Variants in GRID2 observed in about 807,000 individuals in gnomAD.
GRID2 encodes glutamate receptor ionotropic, delta-2.
Under a neutral mutation model 114.8 loss-of-function variants are expected in GRID2, and 33 were observed. The ratio of observed to expected loss-of-function variants is 0.29; its 90% CI spans 0.22 to 0.38. GRID2 has a LOEUF of 0.38. Ranked by LOEUF, GRID2 falls within the 10% of genes least tolerant of loss-of-function variation. The pLI, the probability that GRID2 is intolerant of heterozygous loss-of-function variation, is 1.00. For missense variants in GRID2, 1,184 were observed against 1,257.7 expected (o/e 0.94, Z 0.89); for synonymous variants, 505 against 449.9 (o/e 1.12, Z -1.55).
intron 1 of GRID2, among the ~76,000 whole-genome samples, chr4:92,429,256 A>G (rs1301984305): frequency 6.6e-6 from 1 of 152,208 alleles, no homozygotes; most frequent in Non-Finnish European, 1.5e-5. Flanking sequence ...CAAATATCCA[A>G]TATCCCAGCC....
intron 6 of GRID2, 81 bp from the exon 7 acceptor site, chr4:93,224,533 A>G: frequency 2.3e-6 from 2 of 853,590 alleles, no homozygotes; most frequent in Non-Finnish European, 3.9e-6. Flanking sequence ...GAACAGAAGC[A>G]GTTGAGACAA....
chr4:93,159,478 G>C (rs1737480654), intron 4 of GRID2, among the ~76,000 whole-genome samples: 1 of 151,658 alleles, frequency 6.6e-6, no homozygotes, highest in Non-Finnish European at 1.5e-5. Flanking sequence ...TAGTGCTTTT[G>C]AAAAGGAATT....
chr4:92,329,523 T>G (rs1394795034), intron 1 of GRID2, among the ~76,000 whole-genome samples: 3 of 152,086 alleles, frequency 2.0e-5, no homozygotes, highest in Non-Finnish European at 4.4e-5. Flanking sequence ...ATGTAATTAT[T>G]ATTTCATTGC....
At chr4:93,596,661 A>G (rs1739134979) in intron 13 of GRID2, among the ~76,000 whole-genome samples, 1 of 152,220 alleles carries the variant, frequency 6.6e-6, no homozygotes. Flanking sequence ...TCCAGATGCA[A>G]GTAAAAATTA....
intron 8 of GRID2, among the ~76,000 whole-genome samples, chr4:93,370,072 A>C (rs1185944826): frequency 6.6e-6 from 1 of 151,810 alleles, no homozygotes; most frequent in Non-Finnish European, 1.5e-5. Flanking sequence ...TCTAATCCTC[A>C]CTGAAATTCC....
chr4:92,563,013 C>G (rs2149183881), intron 1 of GRID2, among the ~76,000 whole-genome samples: 1 of 152,140 alleles, frequency 6.6e-6, no homozygotes, highest in Non-Finnish European at 1.5e-5. Flanking sequence ...TACTCTTTTT[C>G]TCTTGGAGTC....
At chr4:92,329,940 GAGA>G (rs1726790588) in intron 1 of GRID2, among the ~76,000 whole-genome samples, 1 of 149,862 alleles carries the variant, frequency 6.7e-6, no homozygotes, top group Admixed American at 6.7e-5. Flanking sequence ...AGGGAAAGGA[GAGA>G]AGAGAGAGAG....
intron 14 of GRID2, among the ~76,000 whole-genome samples, chr4:93,707,563 TTTTA>T (rs1305969149): frequency 6.6e-6 from 1 of 152,038 alleles, no homozygotes; most frequent in Admixed American, 6.6e-5. Context: ...TCACCTCTGA[TTTTA>T]TTTATTTGGC....
chr4:92,917,110 G>T (rs984446937), intron 2 of GRID2, among the ~76,000 whole-genome samples: 5 of 151,970 alleles, frequency 3.3e-5, no homozygotes, highest in African/African-American at 1.2e-4. Context: ...TCTCTGACCA[G>T]TGATGATGAG....
intron 8 of GRID2, among the ~76,000 whole-genome samples, chr4:93,322,454 C>T (rs942812938): frequency 3.3e-5 from 5 of 152,106 alleles, no homozygotes; most frequent in African/African-American, 1.2e-4. Context: ...CATTGATGGA[C>T]ATTTGGATTG....
chr4:93,702,778 G>C (rs1578611097), intron 14 of GRID2, among the ~76,000 whole-genome samples: 1 of 151,994 alleles, frequency 6.6e-6, no homozygotes, highest in Non-Finnish European at 1.5e-5. Context: ...TTCTAGAAGG[G>C]GATGTATAGC....
chr4:93,079,646 T>C (rs574055075), intron 2 of GRID2, among the ~76,000 whole-genome samples: 90 of 152,214 alleles, frequency 5.9e-4, no homozygotes, highest in Non-Finnish European at 1.0e-3. Flanking sequence ...CAGAATTTTC[T>C]TACTTGAAAG....
chr4:92,688,931 T>A (rs1734051443), intron 2 of GRID2, among the ~76,000 whole-genome samples: 1 of 152,176 alleles, frequency 6.6e-6, no homozygotes. Flanking sequence ...ACTTGAAAGT[T>A]GAAATTACTC....
At chr4:92,675,189 C>T (rs1030098212) in intron 2 of GRID2, among the ~76,000 whole-genome samples, 2 of 152,114 alleles carry the variant, frequency 1.3e-5, no homozygotes, top group African/African-American at 4.8e-5. Flanking sequence ...TGTGGCACTT[C>T]TAGGGTCTGA....
At chr4:92,771,551 A>G (rs1266047966) in intron 2 of GRID2, among the ~76,000 whole-genome samples, 3 of 152,144 alleles carry the variant, frequency 2.0e-5, no homozygotes. Context: ...GCATGTTAAG[A>G]CTTAATCAAA....
intron 7 of GRID2, among the ~76,000 whole-genome samples, chr4:93,233,335 A>T (rs13144020): frequency 0.53 from 54,838 of 104,186 alleles, 10,839 homozygotes; most frequent in East Asian, 0.71. Flanking sequence ...TATTATTATT[A>T]TTTTTTTTTT....
chr4:92,806,166 GACACACACACAC>G lies in GRID2; in HGVS notation c.244+215915_244+215926del, dbSNP rs56070810. Among the ~76,000 whole-genome samples the G allele has an allele frequency of 6.3e-3, 841 of 133,324 alleles. 3 individuals are homozygous for G. The highest frequency in any genetic ancestry group is 8.9e-3 in the African/African-American group (322 of 36,368). The allele number at this position is 133,324 out of a possible 152,430, so 87.5% of individuals were successfully genotyped here. ...CAAATCTATTAGAAAATAGGCTATC[GACACACACACAC>G]ACACACACACACACACACACACACA... On this transcript the variant is annotated intron_variant, in intron 2 of 15. Coordinates refer to ENST00000282020, the MANE Select transcript of GRID2 (RefSeq NM_001510.4).
At chr4:92,759,932 C>G (rs1158441505) in intron 2 of GRID2, among the ~76,000 whole-genome samples, 1 of 151,632 alleles carries the variant, frequency 6.6e-6, no homozygotes, top group African/African-American at 2.4e-5. Context: ...AGCCTGCTCT[C>G]AAGCTCTTGG....
At chr4:92,310,654 C>T (rs368881286) in intron 1 of GRID2, among the ~76,000 whole-genome samples, 1 of 151,922 alleles carries the variant, frequency 6.6e-6, no homozygotes, top group South Asian at 2.1e-4. Context: ...GACTAAATCT[C>T]AATTTATAAA....
Sources: allele counts gnomAD v4.1 joint callset (sites outside exome capture counted in the v4.1 genomes callset), GRCh38; gene constraint gnomAD v4.1.1; transcripts MANE v1.5; gene names NCBI Gene and HGNC (gene_info 2026-07-23, HGNC 2026-07-21).